Variants in DENND1A observed in about 807,000 individuals in gnomAD.
The protein encoded by DENND1A is DENN domain containing 1A.
Under a neutral mutation model 113.7 loss-of-function variants are expected in DENND1A, and 51 were observed. That is an observed-to-expected ratio of 0.45 (90% CI 0.36 to 0.57). The LOEUF (loss-of-function observed/expected upper bound fraction) is 0.57. Ranked by LOEUF, DENND1A falls within the 20% of genes least tolerant of loss-of-function variation. DENND1A has a pLI of 0.00. For synonymous variants in DENND1A, 565 were observed against 570.8 expected, an observed-to-expected ratio of 0.99 and a Z score of 0.14; for missense variants, 1,258 against 1,395.9, an observed-to-expected ratio of 0.90 and a Z score of 1.57.
At chr9:123,570,576 A>G (rs7048446) in intron 12 of DENND1A, among the ~76,000 whole-genome samples, 10,524 of 152,252 alleles carry the variant, frequency 0.069, 429 homozygotes, top group Non-Finnish European at 0.089. Context: ...TCTACTAACC[A>G]GCCTGGGACC....
At chr9:123,401,596 C>T (rs2043468637) in intron 21 of DENND1A, 1 of 1,414,516 alleles carries the variant, frequency 7.1e-7, no homozygotes, top group Non-Finnish European at 9.2e-7. Context: ...GGCTCCCATG[C>T]TCCCACTGGT....
chr9:123,913,085 G>A (rs887853844), intron 1 of DENND1A, among the ~76,000 whole-genome samples: 1 of 138,532 alleles, frequency 7.2e-6, no homozygotes, highest in African/African-American at 2.7e-5. Context: ...CCAGAGCAGT[G>A]TCAGAGAAAG....
intron 17 of DENND1A, among the ~76,000 whole-genome samples, chr9:123,451,692 G>C (rs1293081075): frequency 6.6e-6 from 1 of 152,188 alleles, no homozygotes; most frequent in Non-Finnish European, 1.5e-5. Flanking sequence ...AACAGAGGCA[G>C]GGTGCAGCCA....
At chr9:123,431,911 A>T (rs771368097) in intron 19 of DENND1A, among the ~76,000 whole-genome samples, 3 of 152,214 alleles carry the variant, frequency 2.0e-5, no homozygotes, top group Non-Finnish European at 2.9e-5. Flanking sequence ...GGAGGGGTGG[A>T]CTAAGCTTGG....
At chr9:123,640,868 C>G (rs560487111) in intron 9 of DENND1A, among the ~76,000 whole-genome samples, 1 of 152,204 alleles carries the variant, frequency 6.6e-6, no homozygotes, top group South Asian at 2.1e-4. Context: ...AAGTACAAGG[C>G]GGAGGCAGAA....
chr9:123,860,399 A>G (rs1247916153), intron 2 of DENND1A, among the ~76,000 whole-genome samples: 1 of 152,208 alleles, frequency 6.6e-6, no homozygotes. Flanking sequence ...CCCAGTAATT[A>G]AAGTTTCTAT....
chr9:123,888,320 A>T (rs1849397815), intron 1 of DENND1A, among the ~76,000 whole-genome samples: 1 of 152,220 alleles, frequency 6.6e-6, no homozygotes, highest in African/African-American at 2.4e-5. Context: ...ACAGATTTGG[A>T]TCCATCAAAT....
At chr9:123,517,120 G>A (rs1204136909) in intron 13 of DENND1A, among the ~76,000 whole-genome samples, 1 of 151,540 alleles carries the variant, frequency 6.6e-6, no homozygotes, top group East Asian at 1.9e-4. Context: ...AGGCGTGGTG[G>A]CGGGCACCTG....
chr9:123,890,220 T>C (rs1418518669), intron 1 of DENND1A, among the ~76,000 whole-genome samples: 1 of 152,192 alleles, frequency 6.6e-6, no homozygotes, highest in South Asian at 2.1e-4. Flanking sequence ...CCAAAACCCA[T>C]GCCTTTTCCA....
At chr9:123,382,681 T>C in intron 23 of DENND1A, 56 bp from the exon 24 acceptor site, 1 of 1,560,848 alleles carries the variant, frequency 6.4e-7, no homozygotes. Context: ...GACATATGTG[T>C]GCCCATTCCC....
intron 19 of DENND1A, among the ~76,000 whole-genome samples, chr9:123,418,479 G>C (rs750425892): frequency 4.3e-4 from 65 of 152,346 alleles, no homozygotes; most frequent in Middle Eastern, 3.4e-3. Flanking sequence ...GGTCAGGAGG[G>C]GAAGGCGCGT....
intron 5 of DENND1A, among the ~76,000 whole-genome samples, chr9:123,694,529 T>C (rs962158469): frequency 4.6e-5 from 7 of 152,190 alleles, no homozygotes; most frequent in Non-Finnish European, 8.8e-5. Flanking sequence ...CAAAAGTAGA[T>C]CTTTCTGTGC....
chr9:123,667,110 C>G (rs1248767540), intron 7 of DENND1A, 31 bp from the exon 8 acceptor site: 1 of 1,576,680 alleles, frequency 6.3e-7, no homozygotes, highest in Middle Eastern at 1.7e-4. Flanking sequence ...TGATTTATTT[C>G]TGCTAAAATG....
At chr9:123,602,832 G>A (rs1440495075) in intron 11 of DENND1A, among the ~76,000 whole-genome samples, 4 of 152,178 alleles carry the variant, frequency 2.6e-5, no homozygotes, top group Non-Finnish European at 5.9e-5. Context: ...ACCACACCTG[G>A]CTAGTTTTGT....
chr9:123,713,650 G>T (rs2066778503), intron 5 of DENND1A, among the ~76,000 whole-genome samples: 1 of 151,680 alleles, frequency 6.6e-6, no homozygotes, highest in South Asian at 2.1e-4. Context: ...TTTTCCACAA[G>T]TTGGGGTAAA....
At chr9:123,667,167 T>A (rs1216134435) in intron 7 of DENND1A, 88 bp from the exon 8 acceptor site, 1 of 1,315,312 alleles carries the variant, frequency 7.6e-7, no homozygotes, top group Non-Finnish European at 1.1e-6. Flanking sequence ...TTGGAAAATA[T>A]TTCCTTACTC....
chr9:123,472,965 G>A (rs774955251), intron 13 of DENND1A, among the ~76,000 whole-genome samples: 18 of 152,188 alleles, frequency 1.2e-4, no homozygotes, highest in Non-Finnish European at 1.8e-4. Flanking sequence ...CTCCTTGCCC[G>A]GGGCTGGGTC....
intron 9 of DENND1A, among the ~76,000 whole-genome samples, chr9:123,648,819 T>C (rs749000252): frequency 5.3e-5 from 8 of 152,242 alleles, no homozygotes; most frequent in Admixed American, 2.0e-4. Flanking sequence ...GTGTGTACAA[T>C]AGAAACGGTC....
At chr9:123,899,230 G>A (rs1851226964) in intron 1 of DENND1A, among the ~76,000 whole-genome samples, 1 of 152,068 alleles carries the variant, frequency 6.6e-6, no homozygotes, top group African/African-American at 2.4e-5. Flanking sequence ...TCTCTCCTCA[G>A]CCTATCATTA....
Sources: gnomAD v4.1 joint callset for allele counts (sites outside exome capture counted in the v4.1 genomes callset) on GRCh38, gnomAD v4.1.1 for gene constraint, MANE v1.5 for transcripts, NCBI Gene and HGNC (gene_info 2026-07-23, HGNC 2026-07-21) for gene names.